Variants in CHD1L observed in about 807,000 individuals in gnomAD.
CHD1L encodes the protein ATP-dependent chromatin remodeler CHD1L.
In CHD1L, 118 loss-of-function variants were observed where a neutral mutation model predicts 115.9. The ratio of observed to expected loss-of-function variants is 1.02; its 90% CI spans 0.88 to 1.19. The LOEUF (loss-of-function observed/expected upper bound fraction) is 1.19, where lower values mean the gene tolerates loss of function less well. Among genes scored for constraint, CHD1L ranks in the 50% most tolerant of loss-of-function variants. The pLI is 0.00. For synonymous variants in CHD1L, 411 were observed against 387.1 expected (o/e 1.06, Z -0.72); for missense variants, 1,179 against 1,065.3 (o/e 1.11, Z -1.49).
chr1:147,201,117 A>T, the CHD1L span: 1 of 1,449,774 alleles, frequency 6.9e-7, no homozygotes. Flanking sequence ...ACATATCACC[A>T]AGTAATTAAG....
At chr1:147,190,265 A>G in the CHD1L span, 1 of 1,480,130 alleles carries the variant, frequency 6.8e-7, no homozygotes, top group Non-Finnish European at 9.4e-7. Context: ...AACAAAAATT[A>G]ACATTTTAAC....
At chr1:147,259,717 A>G in intron 5 of CHD1L, 120 bp from the exon 6 acceptor site, 1 of 769,412 alleles carries the variant, frequency 1.3e-6, no homozygotes, top group Non-Finnish European at 2.2e-6. Context: ...TGGCATTTGT[A>G]ATAGAAGGGG....
At chr1:147,179,625 T>G in the CHD1L span, 8 of 1,526,114 alleles carry the variant, frequency 5.2e-6, no homozygotes, top group Middle Eastern at 2.3e-4. Flanking sequence ...GGAGGATCTC[T>G]AAAGCAGTAG....
At chr1:147,284,536 A>T in intron 16 of CHD1L, 37 bp downstream of exon 16, 1 of 1,488,684 alleles carries the variant, frequency 6.7e-7, no homozygotes, top group Non-Finnish European at 8.9e-7. Flanking sequence ...TTGTTCTTCC[A>T]AACTCTCATT....
At chr1:147,203,109 G>GT in the CHD1L span, among the ~76,000 whole-genome samples, 8,026 of 41,484 alleles carry the variant, frequency 0.19, 235 homozygotes, top group African/African-American at 0.28. Flanking sequence ...TAGACCAAAG[G>GT]TTTCCTTTTT....
At chr1:147,234,123 C>T in the CHD1L span, among the ~76,000 whole-genome samples, 2 of 152,186 alleles carry the variant, frequency 1.3e-5, no homozygotes, top group African/African-American at 2.4e-5. Context: ...GCTAAACCGT[C>T]ACAGCTGTAG....
At chr1:147,196,555 T>C in the CHD1L span, among the ~76,000 whole-genome samples, 7 of 152,034 alleles carry the variant, frequency 4.6e-5, no homozygotes, top group Admixed American at 4.6e-4. Context: ...TAAAGAGGTA[T>C]ATACATCTTA....
the CHD1L span, chr1:147,173,132 C>G: frequency 6.5e-6 from 1 of 152,822 alleles, no homozygotes; most frequent in African/African-American, 2.4e-5. Flanking sequence ...GAAACCCCGG[C>G]TCTACTAAAA....
intron 1 of CHD1L, among the ~76,000 whole-genome samples, chr1:147,249,555 G>A (rs1401558753): frequency 1.3e-5 from 2 of 151,742 alleles, no homozygotes; most frequent in Admixed American, 6.6e-5. Flanking sequence ...ACAGGCACCC[G>A]CCACCACGCC....
chr1:147,254,868 A>G lies in CHD1L; in HGVS notation c.241-2A>G. ...AACTGCCTTTCTTTTTCTGTGTTCC[A>G]GACTATTGCTCTCTTCATTTATTTG... On this transcript the variant is annotated splice_acceptor_variant, in intron 2 of 22. Coordinates refer to ENST00000369258, the MANE Select transcript of CHD1L (RefSeq NM_004284.6). LOFTEE classifies it high-confidence loss of function. 1 of 1,589,386 alleles carries G rather than the reference A, an allele frequency of 6.3e-7. No individual in the cohort carries two copies. Among genetic ancestry groups the G allele is most frequent in the Non-Finnish European group, 8.5e-7 (1 of 1,170,370 alleles).
chr1:147,173,791 G>T, the CHD1L span, among the ~76,000 whole-genome samples: 1 of 152,216 alleles, frequency 6.6e-6, no homozygotes, highest in Admixed American at 6.5e-5. Flanking sequence ...ATTTTAACAA[G>T]ATCACATTAA....
At chr1:147,212,541 A>C in the CHD1L span, 1 of 1,609,402 alleles carries the variant, frequency 6.2e-7, no homozygotes, top group Non-Finnish European at 8.5e-7. Flanking sequence ...AATTCCTGCA[A>C]GAGAAGGGAA....
At chr1:147,291,334 G>A (rs1685448033) in intron 19 of CHD1L, 148 bp from the exon 20 acceptor site, 1 of 661,288 alleles carries the variant, frequency 1.5e-6, no homozygotes. Context: ...CAGCTAAGAG[G>A]TTGACTGAGG....
chr1:147,283,533 A>C (rs1553963273), intron 15 of CHD1L, among the ~76,000 whole-genome samples: 1 of 152,160 alleles, frequency 6.6e-6, no homozygotes, highest in Non-Finnish European at 1.5e-5. Flanking sequence ...TTTTGTTCTC[A>C]TCTGTAAAAT....
At chr1:147,206,944 A>G in the CHD1L span, among the ~76,000 whole-genome samples, 6 of 151,944 alleles carry the variant, frequency 3.9e-5, no homozygotes, top group Admixed American at 3.9e-4. Flanking sequence ...AAAAATATAT[A>G]TATATAAAAA....
rs782450061 is a variant in CHD1L, at chr1:147,287,729, G to A, written c.2316G>A (p.Met772Ile). 4 of 1,613,458 alleles carry A rather than the reference G, an allele frequency of 2.5e-6. No individual in the cohort carries two copies. The African/African-American group carries it at 5.3e-5, about 22-fold the overall frequency. Residue 772 changes from methionine (M) to isoleucine (I), a missense_variant, in exon 19 of 23, where the codon ATG becomes ATA. By Grantham distance (10) the Met-to-Ile change is conservative. Coordinates refer to ENST00000369258, the MANE Select transcript of CHD1L (RefSeq NM_004284.6). ...AAATATATGAGCTGGCTGGGAAAAT[G>A]AAAGGTAAGAAGCAAAGCAGAGGGA... ...PRKIYELAGK[M>I]KDLSLGGVLL...
chr1:147,184,287 T>C, the CHD1L span: 3 of 383,304 alleles, frequency 7.8e-6, no homozygotes, highest in Non-Finnish European at 1.3e-5. The surrounding 1 kb of genome is among the most constrained non-coding windows in gnomAD (Gnocchi z 4.4). Context: ...GTTGCAAAAA[T>C]AGTACAGCAT....
chr1:147,243,905 T>G (rs1394036195), intron 1 of CHD1L, among the ~76,000 whole-genome samples: 1 of 152,148 alleles, frequency 6.6e-6, no homozygotes, highest in Non-Finnish European at 1.5e-5. Flanking sequence ...AAACAAAAGG[T>G]GCAATTCTGT....
chr1:147,292,394 C>T (rs1326208987), intron 20 of CHD1L, among the ~76,000 whole-genome samples: 1 of 152,122 alleles, frequency 6.6e-6, no homozygotes, highest in Non-Finnish European at 1.5e-5. Context: ...TTGATTTACC[C>T]CACCTACCTG....
Sources: allele counts gnomAD v4.1 joint callset (sites outside exome capture counted in the v4.1 genomes callset), GRCh38; gene constraint gnomAD v4.1.1; non-coding constraint Gnocchi (gnomAD v3.1); transcripts MANE v1.5; gene names NCBI Gene and HGNC (gene_info 2026-07-23, HGNC 2026-07-21).